GSG1L: variants seen among roughly 807,000 people sequenced by gnomAD.
The protein encoded by GSG1L is GSG1 like.
In GSG1L, 24 loss-of-function variants were observed where a neutral mutation model predicts 42.1. The observed-to-expected ratio is 0.57, with a 90% CI of 0.41 to 0.80. The LOEUF is 0.80. Ranked by LOEUF, GSG1L falls within the 30% of genes least tolerant of loss-of-function variation. The pLI, the probability that GSG1L is intolerant of heterozygous loss-of-function variation, is 0.00. For synonymous variants in GSG1L, 215 were observed against 203.5 expected (o/e 1.06, Z -0.48); for missense variants, 445 against 472.2 (o/e 0.94, Z 0.53).
intron 6 of GSG1L, among the ~76,000 whole-genome samples, chr16:27,806,277 C>T (rs1042484275): frequency 6.6e-6 from 1 of 152,188 alleles, no homozygotes; most frequent in Non-Finnish European, 1.5e-5. Context: ...TCCTCTTCTC[C>T]AACAAGGCCT....
chr16:28,018,013 T>C (rs967001258), intron 1 of GSG1L, among the ~76,000 whole-genome samples: 3 of 152,236 alleles, frequency 2.0e-5, no homozygotes, highest in African/African-American at 7.2e-5. Context: ...ACATTCTTTT[T>C]TATAAGTGAT....
intron 3 of GSG1L, among the ~76,000 whole-genome samples, chr16:27,858,530 A>C (rs1391767639): frequency 6.6e-6 from 1 of 152,216 alleles, no homozygotes. Flanking sequence ...AATATTTATT[A>C]AGCACTTTCT....
chr16:28,007,789 G>A (rs931985714), intron 1 of GSG1L, among the ~76,000 whole-genome samples: 1 of 151,904 alleles, frequency 6.6e-6, no homozygotes, highest in East Asian at 1.9e-4. Context: ...GTGCTGGGAT[G>A]ACAGGCTTGA....
At chr16:27,955,581 C>T (rs1444010945) in intron 2 of GSG1L, among the ~76,000 whole-genome samples, 1 of 152,090 alleles carries the variant, frequency 6.6e-6, no homozygotes, top group Non-Finnish European at 1.5e-5. Flanking sequence ...AAAATTATTT[C>T]CAACCTAAAA....
At chr16:28,016,752 C>T (rs1192695986) in intron 1 of GSG1L, among the ~76,000 whole-genome samples, 1 of 152,216 alleles carries the variant, frequency 6.6e-6, no homozygotes, top group Non-Finnish European at 1.5e-5. Context: ...TATTCACCCC[C>T]TCTCTGCACA....
intron 2 of GSG1L, among the ~76,000 whole-genome samples, chr16:27,930,562 C>G (rs1458202221): frequency 1.3e-5 from 2 of 152,112 alleles, no homozygotes; most frequent in East Asian, 3.9e-4. Flanking sequence ...AGTAGGTGCT[C>G]AAGAAATGTG....
intron 1 of GSG1L, among the ~76,000 whole-genome samples, chr16:28,046,832 G>A (rs532517779): frequency 2.0e-5 from 3 of 152,282 alleles, no homozygotes; most frequent in Non-Finnish European, 2.9e-5. Flanking sequence ...GCCTGGACAC[G>A]GTTTCCTCTG....
chr16:27,939,796 C>A (rs1186799854), intron 2 of GSG1L, among the ~76,000 whole-genome samples: 1 of 152,196 alleles, frequency 6.6e-6, no homozygotes, highest in East Asian at 1.9e-4. Flanking sequence ...AATTTGTTTT[C>A]TTTCCCTCAT....
intron 3 of GSG1L, among the ~76,000 whole-genome samples, chr16:27,850,842 T>TGTTGCCC (rs2083505181): frequency 6.6e-6 from 1 of 151,294 alleles, no homozygotes; most frequent in Non-Finnish European, 1.5e-5. Flanking sequence ...CGTCCCTCCA[T>TGTTGCCC]GTTGCCCAGA....
intron 1 of GSG1L, among the ~76,000 whole-genome samples, chr16:27,972,722 G>A (rs1484322253): frequency 1.3e-5 from 2 of 152,104 alleles, no homozygotes; most frequent in African/African-American, 4.8e-5. Flanking sequence ...TCTTAACCCC[G>A]GAAATGTGAA....
Position 27,808,273 on chromosome 16 carries a change from G to C in GSG1L, c.831-719C>G, listed in dbSNP as rs887461015. Among the ~76,000 whole-genome samples the C allele has an allele frequency of 3.9e-5, 6 of 152,302 alleles. No individual in the cohort carries two copies. The East Asian group carries it at 1.2e-3, about 29-fold the overall frequency. On this transcript the variant is annotated intron_variant, in intron 5 of 6. Transcript: ENST00000447459. ...GCTAATTTTTAAATTTTTCTATAGA[G>C]ATAGGGTCTTGTCGTGTTGGCCAGG...
intron 4 of GSG1L, among the ~76,000 whole-genome samples, chr16:27,844,082 T>C (rs1185483634): frequency 6.6e-6 from 1 of 152,172 alleles, no homozygotes; most frequent in African/African-American, 2.4e-5. Context: ...GGAACAAACG[T>C]GTCCTGAAGT....
chr16:27,947,599 A>AAGGG lies in GSG1L; in HGVS notation c.397+15556_397+15557insCCCT, dbSNP rs1401836017. Among the ~76,000 whole-genome samples the AAGGG allele has an allele frequency of 4.6e-3, 400 of 86,090 alleles. 7 individuals are homozygous for AAGGG. The highest frequency in any genetic ancestry group is 0.02 in the African/African-American group (386 of 19,706). The allele number at this position is 86,090 out of a possible 152,430, so 56.5% of individuals were successfully genotyped here. Reference sequence around the variant, plus strand: ...AAAGAAAGAAAGAAAGAAAGAAAGAAAAAGAAAGAAAGAAAAAGAAAAGTT... The same window carrying AAGGG: ...AAAGAAAGAAAGAAAGAAAGAAAGAAAGGGAAAGAAAGAAAGAAAAAGAAAAGTT... On this transcript the variant is annotated intron_variant, in intron 2 of 6. Transcript: ENST00000447459.
In GSG1L at chr16:27,969,649, A is replaced by C. The variant is rs1261265955; in HGVS notation, c.350-6446T>G. ...AATAGATACTTGAATTTGTTTCCAC[A>C]TTTTGGTTATTTATGAACGTTCATG... is the stretch of plus-strand genomic sequence containing the variant. On this transcript the variant is annotated intron_variant, in intron 1 of 6. Transcript: ENST00000447459. Among the ~76,000 whole-genome samples, 5 of 152,110 alleles carry C rather than the reference A, an allele frequency of 3.3e-5. No individual in the cohort carries two copies. In the East Asian group the frequency reaches 9.6e-4, roughly 29 times the overall value.
intron 2 of GSG1L, among the ~76,000 whole-genome samples, chr16:27,918,786 G>T (rs1346769987): frequency 6.6e-6 from 1 of 152,146 alleles, no homozygotes; most frequent in East Asian, 1.9e-4. Flanking sequence ...CCCTGCAAAG[G>T]CTTGCTGAAC....
At chr16:27,947,732 C>T (rs75081807) in intron 2 of GSG1L, among the ~76,000 whole-genome samples, 1,729 of 152,182 alleles carry the variant, frequency 0.011, 34 homozygotes, top group African/African-American at 0.04. Flanking sequence ...AGACAGGACC[C>T]TATTTCTTAA....
chr16:27,897,134 G>A (rs1397311191), intron 2 of GSG1L, among the ~76,000 whole-genome samples: 1 of 152,200 alleles, frequency 6.6e-6, no homozygotes, highest in Non-Finnish European at 1.5e-5. Context: ...AAAGTGCTGG[G>A]ATAACAGGCA....
At chr16:27,902,358 T>C (rs1567511896) in intron 2 of GSG1L, among the ~76,000 whole-genome samples, 1 of 151,826 alleles carries the variant, frequency 6.6e-6, no homozygotes, top group Non-Finnish European at 1.5e-5. Flanking sequence ...GACTGAGAGA[T>C]GAGAAAAGGC....
intron 1 of GSG1L, among the ~76,000 whole-genome samples, chr16:28,000,472 G>T (rs1309835422): frequency 6.6e-6 from 1 of 152,142 alleles, no homozygotes; most frequent in East Asian, 1.9e-4. Flanking sequence ...GGAGTTGGCT[G>T]GGTCTTGCAT....
Sources: gnomAD v4.1 joint callset for allele counts (sites outside exome capture counted in the v4.1 genomes callset) on GRCh38, gnomAD v4.1.1 for gene constraint, MANE v1.5 for transcripts, NCBI Gene and HGNC (gene_info 2026-07-23, HGNC 2026-07-21) for gene names.